EEIG1: variants seen among roughly 807,000 people sequenced by gnomAD.
EEIG1 encodes estrogen-induced osteoclastogenesis regulator 1.
the EEIG1 span, among the ~76,000 whole-genome samples, chr9:127,959,948 T>C: frequency 6.6e-6 from 1 of 152,238 alleles, no homozygotes; most frequent in Non-Finnish European, 1.5e-5. Flanking sequence ...TGATGATGGT[T>C]GTGCAACTGT....
At chr9:127,953,120 ACT>A in the EEIG1 span, 6 of 166,262 alleles carry the variant, frequency 3.6e-5, no homozygotes, top group African/African-American at 1.2e-4. Context: ...ACAGAGCAAG[ACT>A]CTGTCTCCAG....
chr9:127,959,025 G>A, the EEIG1 span, among the ~76,000 whole-genome samples: 1 of 152,256 alleles, frequency 6.6e-6, no homozygotes, highest in African/African-American at 2.4e-5. Flanking sequence ...AAGATGTGGA[G>A]AAAGTGGAAC....
At chr9:127,951,396 T>C in the EEIG1 span, among the ~76,000 whole-genome samples, 1 of 152,194 alleles carries the variant, frequency 6.6e-6, no homozygotes, top group East Asian at 1.9e-4. Context: ...GGGATGAGTG[T>C]CAAGTAACTG....
At chr9:127,975,120 C>T in the EEIG1 span, among the ~76,000 whole-genome samples, 1 of 152,236 alleles carries the variant, frequency 6.6e-6, no homozygotes. Context: ...GGGGTGGAGG[C>T]TCTGGCCACA....
chr9:127,946,988 T>A, the EEIG1 span, among the ~76,000 whole-genome samples: 1 of 151,848 alleles, frequency 6.6e-6, no homozygotes, highest in Non-Finnish European at 1.5e-5. Context: ...CAGCAAACAC[T>A]TGGGGGCAGG....
At chr9:127,974,844 G>A in the EEIG1 span, among the ~76,000 whole-genome samples, 1 of 152,146 alleles carries the variant, frequency 6.6e-6, no homozygotes, top group Non-Finnish European at 1.5e-5. Context: ...ACAGGCACAC[G>A]TGCCCACCAG....
At chr9:127,953,730 A>C in the EEIG1 span, 1 of 1,612,220 alleles carries the variant, frequency 6.2e-7, no homozygotes, top group Non-Finnish European at 8.5e-7. Context: ...CCCCATTTTC[A>C]GCTGGGGGTG....
the EEIG1 span, among the ~76,000 whole-genome samples, chr9:127,969,097 C>T: frequency 2.6e-5 from 4 of 152,234 alleles, no homozygotes; most frequent in Non-Finnish European, 5.9e-5. Flanking sequence ...GGCTGCTACA[C>T]CCCAAGGTCA....
At chr9:127,960,979 TA>T in the EEIG1 span, among the ~76,000 whole-genome samples, 3 of 129,248 alleles carry the variant, frequency 2.3e-5, no homozygotes, top group Admixed American at 7.4e-5. Context: ...ACAGCAAGGG[TA>T]AAAAAAAAAC....
At chr9:127,942,511 G>A in the EEIG1 span, 1 of 154,768 alleles carries the variant, frequency 6.5e-6, no homozygotes, top group African/African-American at 2.4e-5. Context: ...CATGTGCAAA[G>A]TGCAGGCTGC....
the EEIG1 span, among the ~76,000 whole-genome samples, chr9:127,962,674 G>A: frequency 6.6e-6 from 1 of 152,174 alleles, no homozygotes; most frequent in Non-Finnish European, 1.5e-5. Context: ...GTCTCAGAAA[G>A]AGGAAAGTGT....
chr9:127,963,949 G>A, the EEIG1 span, among the ~76,000 whole-genome samples: 1 of 152,176 alleles, frequency 6.6e-6, no homozygotes, highest in South Asian at 2.1e-4. Context: ...AGGCCGAGAA[G>A]CCTCCCTGGA....
the EEIG1 span, among the ~76,000 whole-genome samples, chr9:127,970,780 C>G: frequency 1.3e-5 from 2 of 152,394 alleles, no homozygotes; most frequent in East Asian, 3.9e-4. Context: ...GCCCCTCTTT[C>G]CCGCTCAGCA....
chr9:127,980,375 G>A, the EEIG1 span: 2 of 453,884 alleles, frequency 4.4e-6, no homozygotes, highest in South Asian at 2.8e-5. Context: ...CGGAGCGGCC[G>A]GGGACCTCAC....
the EEIG1 span, among the ~76,000 whole-genome samples, chr9:127,956,302 T>C: frequency 6.6e-6 from 1 of 152,082 alleles, no homozygotes; most frequent in Admixed American, 6.6e-5. Context: ...ACCAAATAAA[T>C]AAGAAAAATA....
the EEIG1 span, among the ~76,000 whole-genome samples, chr9:127,971,062 C>T: frequency 1.3e-5 from 2 of 152,200 alleles, no homozygotes; most frequent in African/African-American, 2.4e-5. Context: ...TATGCTGCCC[C>T]ACACCTGCAG....
the EEIG1 span, chr9:127,980,274 C>G: frequency 3.8e-6 from 4 of 1,045,496 alleles, no homozygotes; most frequent in Non-Finnish European, 5.5e-6. Flanking sequence ...CGGCGGAGAT[C>G]GGAGTCCGGG....
chr9:127,952,278 G>GCTCT, the EEIG1 span, among the ~76,000 whole-genome samples: 1 of 152,262 alleles, frequency 6.6e-6, no homozygotes, highest in East Asian at 1.9e-4. Context: ...GAGTTCCTGA[G>GCTCT]CTCTGGTCAG....
chr9:127,948,218 A>T, the EEIG1 span: 11 of 1,613,952 alleles, frequency 6.8e-6, no homozygotes, highest in South Asian at 1.2e-4. Context: ...TTGGCAGTCG[A>T]TGGTGGCCTT....
Sources: gnomAD v4.1 joint callset for allele counts (sites outside exome capture counted in the v4.1 genomes callset) on GRCh38, gnomAD v4.1.1 for gene constraint, MANE v1.5 for transcripts, NCBI Gene and HGNC (gene_info 2026-07-23, HGNC 2026-07-21) for gene names.